Variants in ARHGAP22 observed in about 807,000 individuals in gnomAD.
The protein encoded by ARHGAP22 is rho GTPase-activating protein 22.
ARHGAP22 carries 48 observed loss-of-function variants against 59.1 expected under a neutral mutation model. The ratio of observed to expected loss-of-function variants is 0.81; its 90% CI spans 0.64 to 1.03. The LOEUF (loss-of-function observed/expected upper bound fraction) is 1.03. Ranked by LOEUF, ARHGAP22 falls within the 50% of genes least tolerant of loss-of-function variation. ARHGAP22 has a pLI of 0.00. For synonymous variants in ARHGAP22, 445 were observed against 416.4 expected (o/e 1.07, Z -0.84); for missense variants, 1,015 against 958.7 (o/e 1.06, Z -0.78).
intron 4 of ARHGAP22, among the ~76,000 whole-genome samples, chr10:48,462,369 C>T (rs1449305109): frequency 6.6e-6 from 1 of 152,110 alleles, no homozygotes; most frequent in Non-Finnish European, 1.5e-5. Context: ...CATCTGATAA[C>T]TTAGGGACTG....
intron 1 of ARHGAP22, among the ~76,000 whole-genome samples, chr10:48,643,764 A>AAAT (rs887902062): frequency 0.015 from 2,203 of 144,192 alleles, 54 homozygotes; most frequent in African/African-American, 0.053. Context: ...AAAAAAAAAA[A>AAAT]ATATATATAT....
intron 3 of ARHGAP22, among the ~76,000 whole-genome samples, chr10:48,496,636 C>G (rs901155315): frequency 6.6e-6 from 1 of 152,114 alleles, no homozygotes; most frequent in Non-Finnish European, 1.5e-5. Context: ...TACCTAAGAT[C>G]CTTGTCCCCG....
Position 48,450,723 on chromosome 10 carries a change from CGCAGGGA to C in ARHGAP22, c.1399_1405del (p.Ser467AlafsTer153). The stretch of plus-strand genomic sequence containing the variant: ...TCCCGACGAGGCCCGGCGGTGTCCG[CGCAGGGA>C]GGACAGCCCGTTCATAAGCCAGTTC... On this transcript the variant is annotated frameshift_variant, in exon 9 of 10. Coordinates refer to ENST00000249601, the MANE Select transcript of ARHGAP22 (RefSeq NM_021226.4). LOFTEE classifies it high-confidence loss of function. 1 of 1,555,504 alleles carries C rather than the reference CGCAGGGA, an allele frequency of 6.4e-7. No individual in the cohort carries two copies. The highest frequency in any genetic ancestry group is 8.7e-7 in the Non-Finnish European group (1 of 1,149,996).
At chr10:48,524,015 G>A (rs2134791164) in intron 3 of ARHGAP22, 1 of 1,451,680 alleles carries the variant, frequency 6.9e-7, no homozygotes, top group Non-Finnish European at 9.1e-7. Flanking sequence ...TCTGGCGGCG[G>A]CCGCAGGGAG....
intron 4 of ARHGAP22, among the ~76,000 whole-genome samples, chr10:48,468,577 C>G (rs2133926687): frequency 1.3e-5 from 2 of 152,324 alleles, no homozygotes; most frequent in African/African-American, 4.8e-5. Flanking sequence ...TGACTTCTGA[C>G]CTCCAGAACT....
chr10:48,442,378 C>A (rs186301742), downstream of ARHGAP22, among the ~76,000 whole-genome samples: 368 of 152,346 alleles, frequency 2.4e-3, 1 homozygote, highest in African/African-American at 8.4e-3. Context: ...GGCTCAGCAC[C>A]CTGGTGTACA....
intron 4 of ARHGAP22, among the ~76,000 whole-genome samples, chr10:48,467,474 G>C (rs1006063030): frequency 6.6e-6 from 1 of 150,622 alleles, no homozygotes; most frequent in Non-Finnish European, 1.5e-5. Flanking sequence ...TTTTTAGCTT[G>C]TACTGAATAT....
At chr10:48,586,125 C>T (rs1014126136) in intron 1 of ARHGAP22, among the ~76,000 whole-genome samples, 6 of 152,050 alleles carry the variant, frequency 3.9e-5, no homozygotes, top group Admixed American at 1.3e-4. Flanking sequence ...GGTTATTATC[C>T]CTGCAAATGG....
chr10:48,446,688 T>C, intron 9 of ARHGAP22, 69 bp from the exon 10 acceptor site: 1 of 1,473,592 alleles, frequency 6.8e-7, no homozygotes, highest in Non-Finnish European at 9.3e-7. Context: ...GGGTATACCA[T>C]GCTTGTGCTC....
At chr10:48,591,744 T>A (rs180928729) in intron 1 of ARHGAP22, among the ~76,000 whole-genome samples, 2 of 152,260 alleles carry the variant, frequency 1.3e-5, no homozygotes, top group East Asian at 3.9e-4. Context: ...CATGGTGGTG[T>A]GCCCCTGTGG....
intron 3 of ARHGAP22, among the ~76,000 whole-genome samples, chr10:48,481,362 G>C (rs3910908): frequency 0.19 from 28,458 of 152,128 alleles, 3,881 homozygotes; most frequent in East Asian, 0.62. Flanking sequence ...TCACCAGGAA[G>C]CTTTTCTATG....
chr10:48,528,812 C>T (rs543003351), intron 3 of ARHGAP22, among the ~76,000 whole-genome samples: 229 of 150,112 alleles, frequency 1.5e-3, no homozygotes, highest in African/African-American at 4.9e-3. Context: ...CCTCCTTTTT[C>T]TCTCTCTCTC....
intron 3 of ARHGAP22, chr10:48,546,373 T>C (rs7911418): frequency 0.61 from 93,345 of 152,644 alleles, 30,625 homozygotes; most frequent in East Asian, 0.99. Context: ...TACTTTACTT[T>C]TTCCATAATG....
intron 1 of ARHGAP22, among the ~76,000 whole-genome samples, chr10:48,634,398 C>A (rs146254722): frequency 6.6e-6 from 1 of 152,190 alleles, no homozygotes; most frequent in African/African-American, 2.4e-5. Context: ...GTGCAGAGGG[C>A]GGTGAGCCTG....
At chr10:48,518,621 A>G (rs34279198) in intron 3 of ARHGAP22, among the ~76,000 whole-genome samples, 95,851 of 151,870 alleles carry the variant, frequency 0.63, 31,146 homozygotes, top group Middle Eastern at 0.76. Context: ...CCACATGGCC[A>G]GCAGCGTATG....
intron 3 of ARHGAP22, among the ~76,000 whole-genome samples, chr10:48,509,931 G>A (rs1023960750): frequency 2.0e-5 from 3 of 152,180 alleles, no homozygotes; most frequent in African/African-American, 2.4e-5. Context: ...CTAACAGAAC[G>A]CTTTCCAGAC....
intron 3 of ARHGAP22, among the ~76,000 whole-genome samples, chr10:48,506,463 A>C (rs531154759): frequency 2.0e-5 from 3 of 152,354 alleles, no homozygotes; most frequent in African/African-American, 7.2e-5. Context: ...TAATAGGATC[A>C]CTGTCACATA....
intron 2 of ARHGAP22, among the ~76,000 whole-genome samples, chr10:48,578,800 T>C (rs1379263466): frequency 6.6e-6 from 1 of 152,220 alleles, no homozygotes; most frequent in Non-Finnish European, 1.5e-5. Flanking sequence ...AGGTTATCTA[T>C]ATTAGGAATT....
chr10:48,592,719 A>T (rs1023420173), intron 1 of ARHGAP22, among the ~76,000 whole-genome samples: 3 of 151,874 alleles, frequency 2.0e-5, no homozygotes, highest in African/African-American at 7.3e-5. Flanking sequence ...TGCATGTCCA[A>T]AGCAGAACTC....
Sources: allele counts gnomAD v4.1 joint callset (sites outside exome capture counted in the v4.1 genomes callset), GRCh38; gene constraint gnomAD v4.1.1; transcripts MANE v1.5; gene names NCBI Gene and HGNC (gene_info 2026-07-23, HGNC 2026-07-21).